FHIT: variants seen among roughly 807,000 people sequenced by gnomAD.
FHIT encodes the protein fragile histidine triad diadenosine triphosphatase.
In FHIT, 19 loss-of-function variants were observed where a neutral mutation model predicts 17.9. That is an observed-to-expected ratio of 1.06 (90% CI 0.74 to 1.56). FHIT has a LOEUF of 1.56. Among genes scored for constraint, FHIT ranks in the 40% most tolerant of loss-of-function variants. The pLI, the probability that FHIT is intolerant of heterozygous loss-of-function variation, is 0.00. For missense variants in FHIT, 248 were observed against 189.2 expected, an observed-to-expected ratio of 1.31 and a Z score of -1.82; for synonymous variants, 81 against 69.7, an observed-to-expected ratio of 1.16 and a Z score of -0.81.
chr3:60,786,435 G>T (rs145302045), intron 4 of FHIT, among the ~76,000 whole-genome samples: 1 of 152,176 alleles, frequency 6.6e-6, no homozygotes, highest in Non-Finnish European at 1.5e-5. Flanking sequence ...AGTGTAATAT[G>T]CTTAAGAATG....
rs1161073335 is a variant in FHIT at position 60,536,936 on chromosome 3, G to A, written c.27C>T (p.Leu9=). 5 of 1,612,752 alleles carry A rather than the reference G, an allele frequency of 3.1e-6. No homozygotes were observed. Among genetic ancestry groups the A allele is most frequent in the African/African-American group, 1.3e-5 (1 of 74,862 alleles). MSFRFGQH[L]IKPSVVFLKT... is the part of the protein sequence containing the mutation. ...TGAGAAACACTACAGAGGGCTTGAT[G>A]AGATGTTGGCCAAATCTGAACGACA... The change falls in exon 5 of 10, where the codon CTC becomes CTT. Residue 9 remains leucine (L), a synonymous_variant. Transcript: ENST00000492590.
rs76957738 is a variant in FHIT at position 60,465,472 on chromosome 3, T to C, written c.103+71388A>G. Among the ~76,000 whole-genome samples the C allele has an allele frequency of 9.6e-3, 1,464 of 152,246 alleles. 11 individuals are homozygous for C. Among genetic ancestry groups the C allele is most frequent in the Middle Eastern group, 0.017 (5 of 294 alleles). ...CTCAAGAAATCTTTGCCAAGACCAATGTCCTGGAGAGTTCCCCCAGTGTCT... is the reference window on the plus strand; with the variant it reads ...CTCAAGAAATCTTTGCCAAGACCAACGTCCTGGAGAGTTCCCCCAGTGTCT... On this transcript the variant is annotated intron_variant, in intron 5 of 9. Coordinates refer to ENST00000492590, the MANE Select transcript of FHIT (RefSeq NM_002012.4).
intron 4 of FHIT, among the ~76,000 whole-genome samples, chr3:60,573,006 GCCCAAGTTACAAAATAT>G (rs1188523357): frequency 6.6e-6 from 1 of 152,046 alleles, no homozygotes; most frequent in Non-Finnish European, 1.5e-5. Flanking sequence ...TAAAACTGAG[GCCCAAGTTACAAAATAT>G]CCCAAGTTAC....
At chr3:60,496,900 TA>T (rs1409635400) in intron 5 of FHIT, among the ~76,000 whole-genome samples, 2 of 152,062 alleles carry the variant, frequency 1.3e-5, no homozygotes, top group Admixed American at 1.3e-4. Context: ...AAGAAAATAT[TA>T]AATACATCAA....
chr3:60,706,673 A>G (rs782378972), intron 4 of FHIT, among the ~76,000 whole-genome samples: 25 of 152,194 alleles, frequency 1.6e-4, no homozygotes, highest in Non-Finnish European at 2.4e-4. Context: ...AAAAAGGAAG[A>G]AAAAATATTT....
At chr3:60,574,345 G>T (rs2037492790) in intron 4 of FHIT, among the ~76,000 whole-genome samples, 1 of 150,768 alleles carries the variant, frequency 6.6e-6, no homozygotes, top group African/African-American at 2.4e-5. Context: ...CAGCATCCTT[G>T]TATCTCCTTC....
chr3:60,354,928 T>A (rs1277223181), intron 5 of FHIT, among the ~76,000 whole-genome samples: 1 of 152,198 alleles, frequency 6.6e-6, no homozygotes, highest in African/African-American at 2.4e-5. Flanking sequence ...CGGGAGTCTG[T>A]GACTACTTAT....
intron 2 of FHIT, among the ~76,000 whole-genome samples, chr3:61,093,956 T>A (rs1018339713): frequency 1.4e-4 from 22 of 152,194 alleles, no homozygotes; most frequent in African/African-American, 5.1e-4. Flanking sequence ...TTTGTTAATA[T>A]CAGCAAGAAT....
At chr3:60,852,290 G>A (rs1338662606) in intron 3 of FHIT, among the ~76,000 whole-genome samples, 1 of 152,044 alleles carries the variant, frequency 6.6e-6, no homozygotes, top group South Asian at 2.1e-4. Flanking sequence ...TACACCATTG[G>A]GTCTCCTGGG....
intron 4 of FHIT, among the ~76,000 whole-genome samples, chr3:60,748,240 T>C (rs572580215): frequency 6.6e-6 from 1 of 152,306 alleles, no homozygotes; most frequent in South Asian, 2.1e-4. Flanking sequence ...AAAAAAACTT[T>C]TCCTTTATCT....
At chr3:60,314,114 CA>C (rs1033934600) in intron 5 of FHIT, among the ~76,000 whole-genome samples, 1,861 of 3,978 alleles carry the variant, frequency 0.47, 40 homozygotes, top group African/African-American at 0.49. Flanking sequence ...CTTGCATAAA[CA>C]TTTTCCCTTC....
rs74467654 is a variant in FHIT, at chr3:60,585,659, A to G, written c.-17-48680T>C. On this transcript the variant is annotated intron_variant, in intron 4 of 9. Transcript: ENST00000492590. ...CTCAACATAAAGTTAACATTTCACT[A>G]TGTAAATTCTAACTCCAGTTTCTTT... 4.4e-3 allele frequency among the ~76,000 whole-genome samples: 665 copies of G among 152,180 alleles called. 8 individuals are homozygous for G. Among genetic ancestry groups the G allele is most frequent in the African/African-American group, 0.015 (633 of 41,548 alleles).
At chr3:60,256,009 A>C (rs1396295177) in intron 5 of FHIT, among the ~76,000 whole-genome samples, 2 of 152,174 alleles carry the variant, frequency 1.3e-5, no homozygotes, top group African/African-American at 4.8e-5. Flanking sequence ...ATTTTTGAAA[A>C]GGTATTATGG....
intron 5 of FHIT, among the ~76,000 whole-genome samples, chr3:60,165,936 C>T (rs1005450155): frequency 2.6e-5 from 4 of 151,952 alleles, no homozygotes; most frequent in Non-Finnish European, 5.9e-5. Context: ...TTTCACCGGA[C>T]ATCTATGGCA....
chr3:61,186,424 C>A lies in FHIT; in HGVS notation c.-164+14193G>T, dbSNP rs901429606. Among the ~76,000 whole-genome samples, 3 of 152,298 alleles carry A rather than the reference C, an allele frequency of 2.0e-5. No individual in the cohort carries two copies. In the East Asian group the frequency reaches 5.8e-4, roughly 29 times the overall value. ...CTACATCAAACCATTCAGATTCTTT[C>A]CCCCAGGAAGGAGGAATACAGTTAG... On this transcript the variant is annotated intron_variant, in intron 2 of 9. Coordinates refer to ENST00000492590, the MANE Select transcript of FHIT (RefSeq NM_002012.4).
chr3:60,440,556 T>C (rs952870661), intron 5 of FHIT, among the ~76,000 whole-genome samples: 8 of 152,104 alleles, frequency 5.3e-5, no homozygotes, highest in African/African-American at 9.7e-5. Flanking sequence ...TAAAGTACTA[T>C]TGATATCTTA....
chr3:60,283,053 C>A (rs1051012183), intron 5 of FHIT, among the ~76,000 whole-genome samples: 2 of 152,134 alleles, frequency 1.3e-5, no homozygotes, highest in Non-Finnish European at 2.9e-5. Flanking sequence ...AGGATCAAGT[C>A]ATCCTGAATG....
intron 8 of FHIT, among the ~76,000 whole-genome samples, chr3:59,910,476 C>A (rs576885757): frequency 6.6e-6 from 1 of 152,222 alleles, no homozygotes; most frequent in African/African-American, 2.4e-5. Flanking sequence ...ACATTTCCCC[C>A]CCTTCTCTTT....
intron 3 of FHIT, among the ~76,000 whole-genome samples, chr3:60,924,612 A>G (rs938961900): frequency 3.9e-5 from 6 of 152,168 alleles, no homozygotes; most frequent in Non-Finnish European, 8.8e-5. Context: ...TGGGGAAAAA[A>G]CAGAGCAGAA....
Sources: allele counts gnomAD v4.1 joint callset (sites outside exome capture counted in the v4.1 genomes callset), GRCh38; gene constraint gnomAD v4.1.1; transcripts MANE v1.5; gene names NCBI Gene and HGNC (gene_info 2026-07-23, HGNC 2026-07-21).